Variants in SMARCA2 observed in about 807,000 individuals in gnomAD.
The protein encoded by SMARCA2 is SWI/SNF-related matrix-associated actin-dependent regulator of chromatin subfamily A member 2.
A neutral mutation model predicts 199.8 loss-of-function variants in SMARCA2; 61 were observed. The ratio of observed to expected loss-of-function variants is 0.31; its 90% CI spans 0.25 to 0.38. The LOEUF (loss-of-function observed/expected upper bound fraction) is 0.38, where lower values mean the gene tolerates loss of function less well. Among genes scored for constraint, SMARCA2 ranks in the 10% least tolerant of loss-of-function variants. The pLI, the probability that SMARCA2 is intolerant of heterozygous loss-of-function variation, is 1.00. For synonymous variants in SMARCA2, 935 were observed against 732.0 expected (o/e 1.28, Z -4.48); for missense variants, 1,344 against 2,012.2 (o/e 0.67, Z 6.35).
chr9:2,041,636 A>C (rs1271205790), intron 4 of SMARCA2: 2 of 378,876 alleles, frequency 5.3e-6, no homozygotes, highest in Non-Finnish European at 9.3e-6. Flanking sequence ...TTAAAAGGGC[A>C]AGAAAGTATC....
intron 25 of SMARCA2, among the ~76,000 whole-genome samples, chr9:2,118,638 T>G (rs1563780410): frequency 6.6e-6 from 1 of 152,212 alleles, no homozygotes; most frequent in African/African-American, 2.4e-5. Context: ...CTGAAGCATA[T>G]GCCGAACTTT....
At chr9:2,111,292 A>G (rs963107738) in intron 24 of SMARCA2, among the ~76,000 whole-genome samples, 98 of 152,040 alleles carry the variant, frequency 6.4e-4, no homozygotes, top group African/African-American at 2.0e-3. Flanking sequence ...ATTTGAGACC[A>G]GCCTGGGCAA....
intron 10 of SMARCA2, among the ~76,000 whole-genome samples, chr9:2,071,080 A>G: frequency 6.6e-6 from 1 of 152,184 alleles, no homozygotes; most frequent in East Asian, 1.9e-4. Context: ...GTGAGGAGGC[A>G]CACTCCCAGA....
At chr9:2,031,329 C>G (rs931238245) in intron 2 of SMARCA2, among the ~76,000 whole-genome samples, 1 of 152,116 alleles carries the variant, frequency 6.6e-6, no homozygotes, top group Non-Finnish European at 1.5e-5. Flanking sequence ...ACATCCAAGT[C>G]CTGAAATTGT....
intron 19 of SMARCA2, 162 bp from the exon 20 acceptor site, chr9:2,096,495 G>A: frequency 8.7e-6 from 5 of 574,454 alleles, no homozygotes; most frequent in Non-Finnish European, 1.6e-5. Context: ...TGATGACTCT[G>A]GTCTCTTCTA....
At position 2,132,130 on chromosome 9, in the gene SMARCA2, C is replaced by G. The variant is rs77542188; in HGVS notation, c.3981+8193C>G. On this transcript the variant is annotated intron_variant, in intron 27 of 33. Transcript: ENST00000349721. ...TAAACTCTACACAGGAAAAGGCAGA[C>G]AAATCCATGGTGAATTAGTCACAAA... 2.4e-3 allele frequency among the ~76,000 whole-genome samples: 368 copies of G among 151,972 alleles called. 9 individuals carry two copies. In the East Asian group the frequency reaches 0.06, roughly 25 times the overall value.
Sources: gnomAD v4.1 joint callset for allele counts (sites outside exome capture counted in the v4.1 genomes callset) on GRCh38, gnomAD v4.1.1 for gene constraint, MANE v1.5 for transcripts, NCBI Gene and HGNC (gene_info 2026-07-23, HGNC 2026-07-21) for gene names.